The following LHFPL6 variants were observed in gnomAD, a reference collection of about 807,000 sequenced individuals.
LHFPL6 encodes LHFPL tetraspan subfamily member 6 protein.
Under a neutral mutation model 20.6 loss-of-function variants are expected in LHFPL6, and 9 were observed. The ratio of observed to expected loss-of-function variants is 0.44; its 90% CI spans 0.26 to 0.76. The LOEUF is 0.76. Among genes scored for constraint, LHFPL6 ranks in the 30% least tolerant of loss-of-function variants. The pLI, the probability that LHFPL6 is intolerant of heterozygous loss-of-function variation, is 0.20. For synonymous variants in LHFPL6, 105 were observed against 98.7 expected, an observed-to-expected ratio of 1.06 and a Z score of -0.38; for missense variants, 218 against 253.5, an observed-to-expected ratio of 0.86 and a Z score of 0.95.
In LHFPL6 at chr13:39,586,063, T is replaced by C. The variant is rs1872438188; in HGVS notation, c.385+14769A>G. On this transcript the variant is annotated intron_variant, in intron 2 of 3. Transcript: ENST00000379589. Reference sequence around the variant, plus strand: ...CTGAACTCCCATCAGATCTCTAGACTAATAAAATAAGAATAGATTCATTAA... The same window carrying C: ...CTGAACTCCCATCAGATCTCTAGACCAATAAAATAAGAATAGATTCATTAA... 2.0e-5 allele frequency among the ~76,000 whole-genome samples: 3 copies of C among 151,852 alleles called. No individual in the cohort carries two copies. The South Asian group carries it at 6.2e-4, about 32-fold the overall frequency.
intron 2 of LHFPL6, among the ~76,000 whole-genome samples, chr13:39,436,430 T>A (rs1375404594): frequency 6.6e-6 from 1 of 152,200 alleles, no homozygotes; most frequent in East Asian, 1.9e-4. Flanking sequence ...CTGAATTATA[T>A]CATACATGAC....
chr13:39,588,569 T>C (rs1275449752), intron 2 of LHFPL6, among the ~76,000 whole-genome samples: 2 of 152,258 alleles, frequency 1.3e-5, no homozygotes, highest in African/African-American at 2.4e-5. Flanking sequence ...AACTGTAGTA[T>C]GACACACCAT....
intron 2 of LHFPL6, among the ~76,000 whole-genome samples, chr13:39,474,097 C>T (rs752842109): frequency 6.6e-6 from 1 of 152,292 alleles, no homozygotes; most frequent in Non-Finnish European, 1.5e-5. Context: ...AATTGCAACA[C>T]CAAAAGAATT....
intron 3 of LHFPL6, among the ~76,000 whole-genome samples, chr13:39,365,559 G>T (rs181880359): frequency 6.6e-6 from 1 of 152,264 alleles, no homozygotes; most frequent in Admixed American, 6.5e-5. Context: ...GCAAGACGTG[G>T]TAAGATACTC....
At chr13:39,460,321 A>G (rs373375801) in intron 2 of LHFPL6, among the ~76,000 whole-genome samples, 5 of 152,232 alleles carry the variant, frequency 3.3e-5, no homozygotes, top group Admixed American at 3.3e-4. Context: ...AAATTACTCA[A>G]TAAGAACTCC....
At chr13:39,392,104 T>C (rs1440525487) in intron 2 of LHFPL6, among the ~76,000 whole-genome samples, 1 of 152,198 alleles carries the variant, frequency 6.6e-6, no homozygotes, top group Non-Finnish European at 1.5e-5. Context: ...CCACTTTGAC[T>C]TAATTTAAAT....
chr13:39,560,896 T>A (rs977571396), intron 2 of LHFPL6, among the ~76,000 whole-genome samples: 5 of 152,148 alleles, frequency 3.3e-5, no homozygotes, highest in Non-Finnish European at 5.9e-5. Flanking sequence ...CAGACCTCTA[T>A]GAAACCTCAA....
chr13:39,505,140 G>A (rs9594336), intron 2 of LHFPL6, among the ~76,000 whole-genome samples: 47,581 of 152,120 alleles, frequency 0.31, 7,934 homozygotes, highest in Middle Eastern at 0.42. Context: ...AAACGCAAAA[G>A]AGAAAGGAAG....
intron 2 of LHFPL6, among the ~76,000 whole-genome samples, chr13:39,532,986 T>C (rs1445004113): frequency 1.3e-5 from 2 of 152,224 alleles, no homozygotes; most frequent in African/African-American, 4.8e-5. Flanking sequence ...ATATGTTTTC[T>C]GAAAAGCACT....
intron 2 of LHFPL6, among the ~76,000 whole-genome samples, chr13:39,390,279 C>G (rs2138369953): frequency 6.6e-6 from 1 of 151,978 alleles, no homozygotes; most frequent in East Asian, 1.9e-4. Context: ...GCCTCTTATA[C>G]AGATAAATAA....
chr13:39,542,507 T>C (rs1870841238), intron 2 of LHFPL6, among the ~76,000 whole-genome samples: 1 of 152,204 alleles, frequency 6.6e-6, no homozygotes, highest in Non-Finnish European at 1.5e-5. Flanking sequence ...ATTTGGCTCA[T>C]CGCTCCACTG....
At chr13:39,511,525 C>G (rs1450671528) in intron 2 of LHFPL6, among the ~76,000 whole-genome samples, 1 of 149,146 alleles carries the variant, frequency 6.7e-6, no homozygotes, top group Non-Finnish European at 1.5e-5. Flanking sequence ...GAATACCTAA[C>G]AGCAGTAAAC....
intron 2 of LHFPL6, among the ~76,000 whole-genome samples, chr13:39,545,864 A>C (rs1022816869): frequency 6.6e-6 from 1 of 152,166 alleles, no homozygotes; most frequent in African/African-American, 2.4e-5. Flanking sequence ...TGAGGCCAGG[A>C]GTTTGAGATC....
rs531246825 is a variant in LHFPL6, at chr13:39,419,557, C to G, written c.386-41031G>C. Among the ~76,000 whole-genome samples, 4 of 152,286 alleles carry G rather than the reference C, an allele frequency of 2.6e-5. No individual in the cohort carries two copies. In the East Asian group the frequency reaches 5.8e-4, roughly 22 times the overall value. ...GTTGAATTAGTCTTCTGAAATGAAT[C>G]AAAATGTTTTAGCTTTTACTAAAGT... is the stretch of plus-strand genomic sequence containing the variant. On this transcript the variant is annotated intron_variant, in intron 2 of 3. Coordinates refer to ENST00000379589, the MANE Select transcript of LHFPL6 (RefSeq NM_005780.3).
chr13:39,602,123 C>A (rs1872971133), intron 1 of LHFPL6, among the ~76,000 whole-genome samples: 1 of 152,160 alleles, frequency 6.6e-6, no homozygotes, highest in Non-Finnish European at 1.5e-5. Context: ...GAACAGCAAT[C>A]CATACTTCCC....
At chr13:39,569,286 A>G (rs1389074897) in intron 2 of LHFPL6, among the ~76,000 whole-genome samples, 1 of 152,170 alleles carries the variant, frequency 6.6e-6, no homozygotes, top group Non-Finnish European at 1.5e-5. Flanking sequence ...ACCTATTTGA[A>G]TAGTTGAAAC....
intron 2 of LHFPL6, 54 bp from the exon 3 acceptor site, chr13:39,378,580 TA>T (rs1870356899): frequency 1.5e-6 from 2 of 1,348,888 alleles, no homozygotes; most frequent in South Asian, 1.2e-5. Flanking sequence ...CATCACTAGA[TA>T]AAGGTGGTGG....
chr13:39,551,487 A>G (rs1196112875), intron 2 of LHFPL6, among the ~76,000 whole-genome samples: 1 of 152,214 alleles, frequency 6.6e-6, no homozygotes, highest in Non-Finnish European at 1.5e-5. Context: ...GAACTTTTGG[A>G]GAACACATGC....
At chr13:39,500,619 A>C (rs1009064548) in intron 2 of LHFPL6, among the ~76,000 whole-genome samples, 1 of 152,132 alleles carries the variant, frequency 6.6e-6, no homozygotes, top group Non-Finnish European at 1.5e-5. Context: ...CTTATTATGC[A>C]CCTGCTGATA....
Sources: allele counts gnomAD v4.1 joint callset (sites outside exome capture counted in the v4.1 genomes callset), GRCh38; gene constraint gnomAD v4.1.1; transcripts MANE v1.5; gene names NCBI Gene and HGNC (gene_info 2026-07-23, HGNC 2026-07-21).